Variants in EIF4G3 observed in about 807,000 individuals in gnomAD.
EIF4G3 encodes the protein eukaryotic translation initiation factor 4 gamma 3, also known as eIF-4-gamma 3.
In EIF4G3, 34 loss-of-function variants were observed where a neutral mutation model predicts 186.4. That is an observed-to-expected ratio of 0.18 (90% CI 0.14 to 0.24). The LOEUF is 0.24. EIF4G3 is among the 10% of genes least tolerant of loss of function. The pLI is 1.00. For synonymous variants in EIF4G3, 673 were observed against 679.5 expected, an observed-to-expected ratio of 0.99 and a Z score of 0.15; for missense variants, 1,536 against 1,948.5, an observed-to-expected ratio of 0.79 and a Z score of 3.99.
chr1:20,828,446 T>C (rs772572962), intron 31 of EIF4G3, among the ~76,000 whole-genome samples: 3 of 152,220 alleles, frequency 2.0e-5, no homozygotes, highest in Non-Finnish European at 2.9e-5. Flanking sequence ...CTGTGTTCCA[T>C]AGGATATCTA....
At chr1:20,871,094 A>C (rs1005044520) in intron 20 of EIF4G3, among the ~76,000 whole-genome samples, 5 of 152,244 alleles carry the variant, frequency 3.3e-5, no homozygotes, top group Non-Finnish European at 7.3e-5. Context: ...GACTTCAAGA[A>C]AAAATTAACA....
chr1:20,903,133 T>C (rs1322351808), intron 15 of EIF4G3, among the ~76,000 whole-genome samples: 1 of 152,202 alleles, frequency 6.6e-6, no homozygotes, highest in Non-Finnish European at 1.5e-5. Context: ...TCTGAAAAAA[T>C]CTGGAAAAAT....
chr1:20,977,191 ATTT>A (rs932764761), intron 10 of EIF4G3, among the ~76,000 whole-genome samples: 1 of 145,610 alleles, frequency 6.9e-6, no homozygotes, highest in Admixed American at 6.9e-5. Flanking sequence ...TATTATTGAA[ATTT>A]TTTTTTTTTT....
chr1:21,063,013 T>C (rs2095009963), intron 3 of EIF4G3, among the ~76,000 whole-genome samples: 1 of 152,200 alleles, frequency 6.6e-6, no homozygotes, highest in South Asian at 2.1e-4. Context: ...TACTCTGTCA[T>C]CATAAATGAA....
At chr1:20,875,135 A>G in intron 20 of EIF4G3, among the ~76,000 whole-genome samples, 1 of 151,930 alleles carries the variant, frequency 6.6e-6, no homozygotes, top group East Asian at 1.9e-4. Flanking sequence ...GACTACTATC[A>G]TGCCTGGCTC....
intron 3 of EIF4G3, among the ~76,000 whole-genome samples, chr1:21,059,720 C>T (rs1204525501): frequency 6.6e-6 from 1 of 152,176 alleles, no homozygotes; most frequent in Non-Finnish European, 1.5e-5. Context: ...CAAGCAAACA[C>T]ATACCATGTA....
At chr1:20,896,797 A>G (rs1343173624) in intron 16 of EIF4G3, among the ~76,000 whole-genome samples, 2 of 152,196 alleles carry the variant, frequency 1.3e-5, no homozygotes, top group Admixed American at 6.5e-5. Flanking sequence ...TATTTTTACT[A>G]TACCTTTTCT....
chr1:21,136,529 A>ACAAC (rs1022016559), intron 2 of EIF4G3, among the ~76,000 whole-genome samples: 1 of 152,146 alleles, frequency 6.6e-6, no homozygotes, highest in Non-Finnish European at 1.5e-5. Context: ...AAAAAAAACA[A>ACAAC]AAACAAACAA....
intron 2 of EIF4G3, among the ~76,000 whole-genome samples, chr1:21,089,517 C>T (rs2096109862): frequency 6.6e-6 from 1 of 152,058 alleles, no homozygotes; most frequent in Non-Finnish European, 1.5e-5. Context: ...CTAAAAATAA[C>T]TGGCTGGGCA....
At chr1:20,872,713 CTTTT>C (rs386366427) in intron 20 of EIF4G3, among the ~76,000 whole-genome samples, 2 of 81,836 alleles carry the variant, frequency 2.4e-5, no homozygotes, top group Non-Finnish European at 5.1e-5. Flanking sequence ...ACTTTCTTGC[CTTTT>C]TTTTTTTTTT....
chr1:20,993,367 T>A (rs1223943027), intron 7 of EIF4G3, among the ~76,000 whole-genome samples: 1 of 152,344 alleles, frequency 6.6e-6, no homozygotes, highest in East Asian at 1.9e-4. Flanking sequence ...TTATTTTTTG[T>A]TTACTTGAAT....
At chr1:20,909,617 A>C (rs1323688499) in intron 14 of EIF4G3, among the ~76,000 whole-genome samples, 10 of 152,136 alleles carry the variant, frequency 6.6e-5, no homozygotes, top group Admixed American at 6.5e-4. Flanking sequence ...AATTATAGGC[A>C]CATCACCTAT....
intron 20 of EIF4G3, among the ~76,000 whole-genome samples, chr1:20,878,823 T>G (rs2081546657): frequency 6.6e-6 from 1 of 152,192 alleles, no homozygotes; most frequent in Non-Finnish European, 1.5e-5. Context: ...GGAGATTAAA[T>G]GGCTTCAGAT....
chr1:20,892,828 G>C, intron 18 of EIF4G3: 2 of 806,676 alleles, frequency 2.5e-6, no homozygotes, highest in Non-Finnish European at 3.9e-6. Context: ...TCTTATCAAG[G>C]TTGGCTCGCT....
chr1:21,126,658 T>TA (rs554090691), intron 2 of EIF4G3, among the ~76,000 whole-genome samples: 1,464 of 145,046 alleles, frequency 0.01, 10 homozygotes, highest in South Asian at 0.027. Flanking sequence ...TCAGACCCTT[T>TA]AAAAAAAAAA....
chr1:20,954,534 C>CAAAAAAAA (rs35942587), intron 12 of EIF4G3, among the ~76,000 whole-genome samples: 1 of 49,332 alleles, frequency 2.0e-5, no homozygotes, highest in African/African-American at 9.6e-5. Flanking sequence ...GACCCCGTCT[C>CAAAAAAAA]AAAAAAAAAA....
intron 2 of EIF4G3, among the ~76,000 whole-genome samples, chr1:21,132,067 T>G (rs1161414840): frequency 1.3e-5 from 2 of 152,024 alleles, no homozygotes; most frequent in Non-Finnish European, 2.9e-5. Flanking sequence ...ATGAAGGCAA[T>G]AGAAAGATCA....
At chr1:21,110,326 C>T (rs959475608) in intron 2 of EIF4G3, among the ~76,000 whole-genome samples, 1 of 151,270 alleles carries the variant, frequency 6.6e-6, no homozygotes, top group African/African-American at 2.4e-5. Context: ...GACGGAGTCT[C>T]GCTCTGTTGC....
chr1:20,993,087 G>T (rs1279572150), intron 7 of EIF4G3, among the ~76,000 whole-genome samples: 1 of 152,018 alleles, frequency 6.6e-6, no homozygotes, highest in African/African-American at 2.4e-5. Flanking sequence ...AGCTCTTCAG[G>T]TTATAAAATG....
Sources: gnomAD v4.1 joint callset for allele counts (sites outside exome capture counted in the v4.1 genomes callset) on GRCh38, gnomAD v4.1.1 for gene constraint, MANE v1.5 for transcripts, NCBI Gene and HGNC (gene_info 2026-07-23, HGNC 2026-07-21) for gene names.